PAXIP1: variants seen among roughly 807,000 people sequenced by gnomAD.
PAXIP1 encodes the protein PAX interacting protein 1.
A neutral mutation model predicts 140.6 loss-of-function variants in PAXIP1; 19 were observed. The observed-to-expected ratio is 0.14, with a 90% CI of 0.09 to 0.20. The LOEUF (loss-of-function observed/expected upper bound fraction) is 0.20. PAXIP1 is among the 10% of genes least tolerant of loss of function. PAXIP1 has a pLI of 1.00. For missense variants in PAXIP1, 920 were observed against 1,208.6 expected, an observed-to-expected ratio of 0.76 and a Z score of 3.54; for synonymous variants, 442 against 444.6, an observed-to-expected ratio of 0.99 and a Z score of 0.07.
At chr7:154,962,256 G>A in intron 10 of PAXIP1, 65 bp downstream of exon 10, 1 of 1,581,990 alleles carries the variant, frequency 6.3e-7, no homozygotes. Flanking sequence ...GTAAGCACTA[G>A]CAAGTGATTA....
intron 8 of PAXIP1, chr7:154,964,343 AC>A (rs1259025000): frequency 6.6e-6 from 1 of 152,362 alleles, no homozygotes; most frequent in African/African-American, 2.4e-5. Context: ...ACGACCCTGG[AC>A]ATTCTTCAGA....
At chr7:154,989,820 G>A (rs190369745) in intron 4 of PAXIP1, among the ~76,000 whole-genome samples, 2 of 152,190 alleles carry the variant, frequency 1.3e-5, no homozygotes, top group South Asian at 2.1e-4. Context: ...CACTTAAGAC[G>A]TTTCCCATGT....
rs759352117 is a variant in PAXIP1, at chr7:154,975,885, A to G, written c.885T>C (p.Asn295=). 2 of 1,613,982 alleles carry G rather than the reference A, an allele frequency of 1.2e-6. No individual in the cohort carries two copies. The highest frequency in any genetic ancestry group is 1.1e-5 in the South Asian group (1 of 91,076). The change falls in exon 6 of 21, where the codon AAT becomes AAC. Residue 295 remains asparagine (N), a synonymous_variant. Transcript: ENST00000404141. ...KEPGLINLCA[N]VPPVPGNILP... is the part of the protein sequence containing the mutation. ...AAATGTTACCTGGGACGGGTGGGACATTGGCACACAAGTTAATCAACCCAG... is the reference window on the plus strand; with the variant it reads ...AAATGTTACCTGGGACGGGTGGGACGTTGGCACACAAGTTAATCAACCCAG...
rs1020287451 is a variant in PAXIP1 at position 154,986,762 on chromosome 7, A to G, written c.325-3430T>C. 6.6e-6 allele frequency among the ~76,000 whole-genome samples: 1 copy of G among 152,150 alleles called. No homozygotes were observed. Among genetic ancestry groups the G allele is most frequent in the Non-Finnish European group, 1.5e-5 (1 of 68,034 alleles). On this transcript the variant is annotated intron_variant, in intron 4 of 20. Coordinates refer to ENST00000404141, the MANE Select transcript of PAXIP1 (RefSeq NM_007349.4). The surrounding 1 kb of genome is among the most constrained non-coding windows in gnomAD (Gnocchi z 4.8). The stretch of plus-strand genomic sequence containing the variant: ...AAATGCTTTTATTTTACCCCATGAC[A>G]CACTGGGGATTCCAATTCATCACGC...
Position 154,975,908 on chromosome 7 carries a change from C to T in PAXIP1, c.862G>A (p.Gly288Arg). The T allele has an allele frequency of 1.2e-6, 2 of 1,613,990 alleles. No individual in the cohort carries two copies. Among genetic ancestry groups the T allele is most frequent in the Non-Finnish European group, 1.7e-6 (2 of 1,179,884 alleles). Reference protein sequence around the residue: ...KRRLPQGKEPGLINLCANVPP... With the variant: ...KRRLPQGKEPRLINLCANVPP... The stretch of plus-strand genomic sequence containing the variant: ...ACATTGGCACACAAGTTAATCAACC[C>T]AGGCTCCTTTCCCTGAGGCAGCCTG... Residue 288 changes from glycine to arginine, a missense_variant, in exon 6 of 21, where the codon GGG (glycine) becomes AGG (arginine). Gly to Arg is a moderately radical substitution (Grantham distance 125, BLOSUM62 -2). Around this residue, in one of 5 missense-constraint regions of PAXIP1, gnomAD observed 419 missense variants for 514.7 expected, o/e 0.81. Transcript: ENST00000404141.
chr7:154,994,095 GAC>G (rs1041272081), intron 2 of PAXIP1, among the ~76,000 whole-genome samples: 1 of 152,004 alleles, frequency 6.6e-6, no homozygotes, highest in African/African-American at 2.4e-5. Flanking sequence ...CACCACCGCC[GAC>G]ACCTCATCCA....
intron 1 of PAXIP1, among the ~76,000 whole-genome samples, chr7:155,002,437 G>T (rs1305413287): frequency 6.6e-6 from 1 of 152,076 alleles, no homozygotes; most frequent in Non-Finnish European, 1.5e-5. Flanking sequence ...TGGGGATCCC[G>T]GCGCCCCTCG....
intron 4 of PAXIP1, among the ~76,000 whole-genome samples, chr7:154,990,018 C>G (rs532958893): frequency 6.7e-6 from 1 of 149,492 alleles, no homozygotes; most frequent in Non-Finnish European, 1.5e-5. Flanking sequence ...GTCCTTCTAT[C>G]GACTTGGGAT....
Position 154,957,286 on chromosome 7 carries a change from T to A in PAXIP1, c.2487A>T (p.Arg829Ser). The change falls in exon 14 of 21, where the codon AGA becomes AGT. Residue 829 changes from arginine to serine, a missense_variant. Physicochemically the swap from Arg to Ser is moderately radical, Grantham distance 110. Around this residue, in one of 5 missense-constraint regions of PAXIP1, gnomAD observed 303 missense variants for 517.9 expected, o/e 0.59. Transcript: ENST00000404141. ...CATTCTGTTTCAGTTTGGGAGGTAG[T>A]CTTATACTCTGCAATTAAAATATTG... The part of the protein sequence containing the change: ...KVSAELLMSI[R>S]LPPKLKQNEV... The A allele has an allele frequency of 6.3e-7, 1 of 1,589,464 alleles. No individual in the cohort carries two copies. Among genetic ancestry groups the A allele is most frequent in the Non-Finnish European group, 8.6e-7 (1 of 1,161,944 alleles).
chr7:154,978,423 C>T (rs990572789), intron 5 of PAXIP1, among the ~76,000 whole-genome samples: 4 of 152,186 alleles, frequency 2.6e-5, no homozygotes, highest in African/African-American at 9.7e-5. Context: ...ACACTTCCAA[C>T]AGCTATGTAA....
At chr7:154,947,014 A>G (rs1229408210) in intron 17 of PAXIP1, 1 of 487,088 alleles carries the variant, frequency 2.1e-6, no homozygotes, top group African/African-American at 1.9e-5. Flanking sequence ...AAGCATTTTC[A>G]CATGTTAAGT....
intron 17 of PAXIP1, chr7:154,947,536 G>C (rs533634684): frequency 1.6e-4 from 30 of 191,758 alleles, no homozygotes; most frequent in African/African-American, 7.0e-4. Context: ...TACATTTACT[G>C]ACAATAGTAC....
At chr7:154,998,903 A>G (rs1171902288) in intron 1 of PAXIP1, 119 bp from the exon 2 acceptor site, 4 of 833,932 alleles carry the variant, frequency 4.8e-6, no homozygotes, top group East Asian at 2.7e-5. Context: ...CATATTCCCC[A>G]CATAAAAACT....
At chr7:154,992,320 G>C (rs531959071) in intron 3 of PAXIP1, among the ~76,000 whole-genome samples, 1 of 152,162 alleles carries the variant, frequency 6.6e-6, no homozygotes, top group African/African-American at 2.4e-5. Flanking sequence ...AGGCCGAGGT[G>C]GGTGGACCAC....
At chr7:154,995,230 A>G (rs1298580356) in intron 2 of PAXIP1, among the ~76,000 whole-genome samples, 2 of 152,180 alleles carry the variant, frequency 1.3e-5, no homozygotes, top group Admixed American at 6.5e-5. Flanking sequence ...GTAAAGTGGG[A>G]GGGGCCACTG....
In PAXIP1 at chr7:154,967,888, C is replaced by T; in HGVS notation, c.1821G>A (p.Leu607=). 6.2e-7 allele frequency: 1 copy of T among 1,612,738 alleles called. No homozygotes were observed. The highest frequency in any genetic ancestry group is 1.3e-5 in the African/African-American group (1 of 74,994). The part of the protein sequence containing the change: ...AVEIPEEGFL[L]GCVFAIADYP... ...AATCCGCAATTGCAAACACACATCC[C>T]AATAAGAAGCCTTCTTCTGGAACTA... is the stretch of plus-strand genomic sequence containing the variant. The change falls in exon 8 of 21, where the codon TTG becomes TTA. Residue 607 remains leucine, a synonymous_variant. Transcript: ENST00000404141.
In PAXIP1 at chr7:154,956,105, T is replaced by C. The variant is rs994654550; in HGVS notation, c.2550-474A>G. ...AGACGAGTGTCGCTAGAGCTTCCAG[T>C]GTCTTTCACATTCTAGCCCTCTTCA... is the stretch of plus-strand genomic sequence containing the variant. On this transcript the variant is annotated intron_variant, in intron 14 of 20. Coordinates refer to ENST00000404141, the MANE Select transcript of PAXIP1 (RefSeq NM_007349.4). The surrounding 1 kb of genome is among the most constrained non-coding windows in gnomAD (Gnocchi z 4.2). Among the ~76,000 whole-genome samples the C allele has an allele frequency of 9.9e-5, 15 of 152,244 alleles. No homozygotes were observed. The highest frequency in any genetic ancestry group is 4.1e-4 in the South Asian group (2 of 4,836).
In PAXIP1 at chr7:154,963,850, A is replaced by G. The variant is rs1008605066; in HGVS notation, c.1894-84T>C. 4.8e-6 allele frequency: 4 copies of G among 839,360 alleles called. No individual in the cohort carries two copies. In the African/African-American group the frequency reaches 6.7e-5, roughly 14 times the overall value. 52.0% of individuals were successfully genotyped at this position (839,360 alleles called of 1,614,324 possible). A position where few individuals can be genotyped will look rare whatever the true frequency, so the allele number is the denominator to read the frequency against. On this transcript the variant is annotated intron_variant, in intron 8 of 20. Transcript: ENST00000404141. This position sits in a 1 kb window ranked among gnomAD's most constrained non-coding sequence, Gnocchi z 4.1. ...AATTTCAAATAAGGCAGCTATTAAA[A>G]GACTCTATCATATATTTATATCATG...
rs1807801211 is a variant in PAXIP1 at position 154,943,826 on chromosome 7, T to C, written c.*323A>G. The C allele has an allele frequency of 3.4e-6, 1 of 296,108 alleles. No individual in the cohort carries two copies. The allele number at this position is 296,108 out of a possible 1,614,324, so 18.3% of individuals were successfully genotyped here. ...CCATAATTTAGAGATAGCAAGGTCT[T>C]TATTTACACCATTTTATTTCTAGTT... On this transcript the variant is annotated 3_prime_UTR_variant, in exon 21 of 21. Coordinates refer to ENST00000404141, the MANE Select transcript of PAXIP1 (RefSeq NM_007349.4).
Sources: allele counts gnomAD v4.1 joint callset (sites outside exome capture counted in the v4.1 genomes callset), GRCh38; gene constraint gnomAD v4.1.1; regional missense constraint gnomAD v4.1.1; non-coding constraint Gnocchi (gnomAD v3.1); transcripts MANE v1.5; gene names NCBI Gene and HGNC (gene_info 2026-07-23, HGNC 2026-07-21).